Variants in CHRM3 observed in about 807,000 individuals in gnomAD.
The protein encoded by CHRM3 is cholinergic receptor muscarinic 3, also known as muscarinic acetylcholine receptor M3.
A neutral mutation model predicts 41.8 loss-of-function variants in CHRM3; 11 were observed. That is an observed-to-expected ratio of 0.26 (90% CI 0.17 to 0.44). CHRM3 has a LOEUF of 0.44. Among genes scored for constraint, CHRM3 ranks in the 20% least tolerant of loss-of-function variants. The pLI is 1.00. For missense variants in CHRM3, 571 were observed against 745.4 expected, an observed-to-expected ratio of 0.77 and a Z score of 2.72; for synonymous variants, 297 against 301.4, an observed-to-expected ratio of 0.99 and a Z score of 0.15.
intron 5 of CHRM3, among the ~76,000 whole-genome samples, chr1:239,825,758 A>C (rs1478984618): frequency 2.6e-5 from 4 of 152,014 alleles, no homozygotes; most frequent in Non-Finnish European, 5.9e-5. Context: ...TCTTTTTCCC[A>C]GGATGGAGTG....
At chr1:239,471,315 G>C (rs1401048938) in intron 1 of CHRM3, among the ~76,000 whole-genome samples, 2 of 152,156 alleles carry the variant, frequency 1.3e-5, no homozygotes, top group Non-Finnish European at 2.9e-5. Flanking sequence ...CAGGTGTTGA[G>C]CAGCAAATCA....
At chr1:239,389,546 A>G (rs1194520523) in intron 1 of CHRM3, among the ~76,000 whole-genome samples, 1 of 152,202 alleles carries the variant, frequency 6.6e-6, no homozygotes, top group Non-Finnish European at 1.5e-5. Flanking sequence ...TCTTTTAATG[A>G]TATTTTAGCC....
At chr1:239,464,571 T>G (rs1665590849) in intron 1 of CHRM3, among the ~76,000 whole-genome samples, 1 of 152,148 alleles carries the variant, frequency 6.6e-6, no homozygotes, top group African/African-American at 2.4e-5. Flanking sequence ...GGTGTTTACT[T>G]CTAGGTGTGA....
chr1:239,524,957 A>G lies in CHRM3; in HGVS notation c.-421-20684A>G, dbSNP rs1669897017. 2.6e-5 allele frequency among the ~76,000 whole-genome samples: 4 copies of G among 152,216 alleles called. No individual in the cohort carries two copies. In the South Asian group the frequency reaches 8.3e-4, roughly 31 times the overall value. On this transcript the variant is annotated intron_variant, in intron 2 of 6. Coordinates refer to ENST00000676153, the MANE Select transcript of CHRM3 (RefSeq NM_001375978.1). The stretch of plus-strand genomic sequence containing the variant: ...ATTAATAAAGTAATTTTTTAAAAGT[A>G]AAAGAATAAATTCAAGCATTCCAAT...
chr1:239,425,638 T>A (rs1407507250), intron 1 of CHRM3, among the ~76,000 whole-genome samples: 1 of 152,292 alleles, frequency 6.6e-6, no homozygotes, highest in East Asian at 1.9e-4. Flanking sequence ...TAAAGGCACG[T>A]GGTAAACGAT....
At chr1:239,684,735 A>C (rs886179026) in intron 5 of CHRM3, among the ~76,000 whole-genome samples, 15 of 134,354 alleles carry the variant, frequency 1.1e-4, no homozygotes, top group African/African-American at 4.4e-4. Flanking sequence ...AGGAAAGGAA[A>C]GAGAGAAAGA....
At chr1:239,663,918 T>C (rs1673509763) in intron 4 of CHRM3, among the ~76,000 whole-genome samples, 1 of 152,158 alleles carries the variant, frequency 6.6e-6, no homozygotes, top group African/African-American at 2.4e-5. Context: ...GAAATGTTGG[T>C]TGGTAAGTGA....
At chr1:239,899,295 GTGTGTGTGTGTGTA>G (rs1679284473) in intron 6 of CHRM3, among the ~76,000 whole-genome samples, 1 of 137,582 alleles carries the variant, frequency 7.3e-6, no homozygotes, top group African/African-American at 3.2e-5. Context: ...GTGTGTGTGT[GTGTGTGTGTGTGTA>G]TATACACACA....
intron 3 of CHRM3, among the ~76,000 whole-genome samples, chr1:239,567,716 CAT>C (rs1316042079): frequency 6.6e-6 from 1 of 152,112 alleles, no homozygotes; most frequent in Non-Finnish European, 1.5e-5. Flanking sequence ...ATGGAGAGCA[CAT>C]TATTGGGCAA....
At chr1:239,774,018 A>C (rs1667896013) in intron 5 of CHRM3, among the ~76,000 whole-genome samples, 1 of 152,190 alleles carries the variant, frequency 6.6e-6, no homozygotes, top group Non-Finnish European at 1.5e-5. Context: ...TGAGATAATT[A>C]CTTAGATTCT....
At chr1:239,717,816 C>T (rs780646113) in intron 5 of CHRM3, among the ~76,000 whole-genome samples, 6 of 152,168 alleles carry the variant, frequency 3.9e-5, no homozygotes, top group East Asian at 1.9e-4. Context: ...CCTCAAGTGA[C>T]GTGTCCTGCT....
At chr1:239,588,869 G>C (rs1042994444) in intron 3 of CHRM3, among the ~76,000 whole-genome samples, 8 of 151,990 alleles carry the variant, frequency 5.3e-5, no homozygotes, top group Admixed American at 5.2e-4. Context: ...AAAATCACTT[G>C]TTAAATTTAC....
intron 5 of CHRM3, chr1:239,704,245 A>C (rs1295110731): frequency 1.3e-5 from 2 of 152,222 alleles, no homozygotes; most frequent in Non-Finnish European, 2.9e-5. Context: ...ACAGTGTTAA[A>C]GTGGGCCCGC....
At chr1:239,851,134 G>A (rs1674664713) in intron 6 of CHRM3, among the ~76,000 whole-genome samples, 1 of 152,140 alleles carries the variant, frequency 6.6e-6, no homozygotes, top group Non-Finnish European at 1.5e-5. Context: ...CAGTGAGGCA[G>A]AGAAAATGAG....
intron 1 of CHRM3, among the ~76,000 whole-genome samples, chr1:239,404,408 GAA>G (rs773489004): frequency 0.19 from 6,898 of 36,466 alleles, 353 homozygotes; most frequent in Admixed American, 0.23. Context: ...AAGAAAGAAA[GAA>G]AAAGAAAGAA....
intron 4 of CHRM3, among the ~76,000 whole-genome samples, chr1:239,671,696 G>A (rs1353072920): frequency 6.6e-6 from 1 of 151,932 alleles, no homozygotes; most frequent in Admixed American, 6.6e-5. Flanking sequence ...AGGAGGTGAG[G>A]TGGGGTGTAG....
chr1:239,591,088 T>A (rs931293484), intron 3 of CHRM3, among the ~76,000 whole-genome samples: 2 of 152,182 alleles, frequency 1.3e-5, no homozygotes, highest in Non-Finnish European at 2.9e-5. Flanking sequence ...ACATTGAAAG[T>A]TATGGAAAGC....
chr1:239,522,259 G>A (rs1274430746), intron 2 of CHRM3, among the ~76,000 whole-genome samples: 1 of 152,188 alleles, frequency 6.6e-6, no homozygotes, highest in African/African-American at 2.4e-5. Context: ...ACCATGTCAT[G>A]AGGATCTTGA....
intron 2 of CHRM3, among the ~76,000 whole-genome samples, chr1:239,511,481 T>C (rs1668917878): frequency 6.6e-6 from 1 of 152,198 alleles, no homozygotes; most frequent in Non-Finnish European, 1.5e-5. Flanking sequence ...AACAAAAGTA[T>C]CAAATGTGAT....
Sources: allele counts gnomAD v4.1 joint callset (sites outside exome capture counted in the v4.1 genomes callset), GRCh38; gene constraint gnomAD v4.1.1; transcripts MANE v1.5; gene names NCBI Gene and HGNC (gene_info 2026-07-23, HGNC 2026-07-21).